The following UMAD1 variants were observed in gnomAD, a reference collection of about 807,000 sequenced individuals.
The protein encoded by UMAD1 is UBAP1-MVB12-associated (UMA) domain containing 1.
Under a neutral mutation model 6.1 loss-of-function variants are expected in UMAD1, and 8 were observed. That is an observed-to-expected ratio of 1.30 (90% CI 0.76 to 2.35). The LOEUF (loss-of-function observed/expected upper bound fraction) is 2.35. Among genes scored for constraint, UMAD1 ranks in the 30% most tolerant of loss-of-function variants. The probability of loss-of-function intolerance (pLI) is 0.00; values close to 1 mark genes in which losing one functional copy is unlikely to be tolerated. For missense variants in UMAD1, 130 were observed against 78.4 expected, an observed-to-expected ratio of 1.66 and a Z score of -2.49; for synonymous variants, 56 against 31.4, an observed-to-expected ratio of 1.78 and a Z score of -2.61.
At chr7:7,767,283 A>G (rs1267397711) in intron 2 of UMAD1, among the ~76,000 whole-genome samples, 2 of 151,548 alleles carry the variant, frequency 1.3e-5, no homozygotes, top group African/African-American at 2.4e-5. Context: ...CTGCCACCAC[A>G]CCCGGCTAAT....
intron 3 of UMAD1, among the ~76,000 whole-genome samples, chr7:7,861,923 G>A (rs1357772497): frequency 6.6e-6 from 1 of 152,168 alleles, no homozygotes; most frequent in Non-Finnish European, 1.5e-5. Context: ...TATATTAAGA[G>A]CAGCAGAACA....
At chr7:7,722,673 G>A (rs1252364010) in intron 2 of UMAD1, among the ~76,000 whole-genome samples, 5 of 152,176 alleles carry the variant, frequency 3.3e-5, no homozygotes, top group East Asian at 1.9e-4. Context: ...TGCCCTCAGT[G>A]AGAGTCTTAC....
intron 3 of UMAD1, among the ~76,000 whole-genome samples, chr7:7,802,203 C>A (rs1782815019): frequency 6.6e-6 from 1 of 152,136 alleles, no homozygotes; most frequent in Admixed American, 6.5e-5. Context: ...CATGGTGAAA[C>A]CCCATCTCTA....
chr7:7,685,337 G>C (rs1741838375), intron 2 of UMAD1, among the ~76,000 whole-genome samples: 1 of 146,044 alleles, frequency 6.8e-6, no homozygotes, highest in African/African-American at 2.5e-5. Context: ...TTGAGACGGA[G>C]TCTTGCTCTG....
At chr7:7,784,794 CTG>C (rs372113507) in intron 2 of UMAD1, among the ~76,000 whole-genome samples, 2,571 of 108,306 alleles carry the variant, frequency 0.024, 98 homozygotes, top group African/African-American at 0.097. Flanking sequence ...CGGAGTCTTG[CTG>C]TGTCGCCCAG....
rs1785165289 is a variant in UMAD1 at position 7,649,174 on chromosome 7, A to AG, written c.-64+8353_-64+8354insG. On this transcript the variant is annotated intron_variant, in intron 1 of 3. Transcript: ENST00000682710. ...ACTCCATCTCAAAAAAAAAAAAAAA[A>AG]AAAAAGAAAAGAAAAGAATAAAAAA... Among the ~76,000 whole-genome samples the AG allele has an allele frequency of 3.5e-5, 5 of 144,078 alleles. 1 individual carries two copies. The highest frequency in any genetic ancestry group is 2.1e-4 in the Admixed American group (3 of 14,124). The allele number at this position is 144,078 out of a possible 152,430, so 94.5% of individuals were successfully genotyped here.
chr7:7,837,771 A>C (rs1289312027), intron 3 of UMAD1, among the ~76,000 whole-genome samples: 1 of 152,170 alleles, frequency 6.6e-6, no homozygotes, highest in Non-Finnish European at 1.5e-5. Context: ...TAAAAAGCAC[A>C]GTTTATTAGA....
intron 2 of UMAD1, among the ~76,000 whole-genome samples, chr7:7,730,285 A>G (rs575491490): frequency 1.3e-5 from 2 of 152,234 alleles, no homozygotes; most frequent in South Asian, 2.1e-4. Context: ...ATTTACTCCT[A>G]GAGATTTTGA....
rs139125010 is a variant in UMAD1, at chr7:7,744,885, A to G, written c.83-56785A>G. On this transcript the variant is annotated intron_variant, in intron 2 of 3. Coordinates refer to ENST00000682710, the MANE Select transcript of UMAD1 (RefSeq NM_001302348.2). ...ATTCTGTAGGTTGTCTTTTCATAAT[A>G]CAGTTGACCCTTACAACATGGGAGT... 9.0e-4 allele frequency among the ~76,000 whole-genome samples: 137 copies of G among 152,218 alleles called. 1 individual carries two copies. Among genetic ancestry groups the G allele is most frequent in the African/African-American group, 3.1e-3 (128 of 41,542 alleles).
chr7:7,780,389 C>G (rs1364327552), intron 2 of UMAD1, among the ~76,000 whole-genome samples: 2 of 152,210 alleles, frequency 1.3e-5, no homozygotes, highest in South Asian at 2.1e-4. Context: ...ATTTACAAAA[C>G]TGGAACTGTA....
At chr7:7,808,210 T>C (rs1302817962) in intron 3 of UMAD1, among the ~76,000 whole-genome samples, 3 of 151,996 alleles carry the variant, frequency 2.0e-5, no homozygotes, top group Non-Finnish European at 4.4e-5. Flanking sequence ...TTCTTCTTTT[T>C]TCCTTCTTGC....
intron 2 of UMAD1, among the ~76,000 whole-genome samples, chr7:7,746,675 A>G (rs1781580014): frequency 1.3e-5 from 2 of 152,272 alleles, no homozygotes; most frequent in African/African-American, 4.8e-5. Flanking sequence ...TAAAAAACAT[A>G]TGAGACAAAT....
chr7:7,876,974 A>C (rs544955843), intron 3 of UMAD1, among the ~76,000 whole-genome samples: 1 of 152,346 alleles, frequency 6.6e-6, no homozygotes, highest in African/African-American at 2.4e-5. Context: ...GAAAACGTAC[A>C]TAGGATTTGG....
intron 1 of UMAD1, among the ~76,000 whole-genome samples, chr7:7,652,634 T>G (rs766858142): frequency 5.3e-5 from 8 of 152,208 alleles, no homozygotes; most frequent in Non-Finnish European, 8.8e-5. Flanking sequence ...ATTGGTTAAT[T>G]CCGTGAATTT....
chr7:7,787,840 C>G (rs1446872158), intron 2 of UMAD1, among the ~76,000 whole-genome samples: 1 of 150,892 alleles, frequency 6.6e-6, no homozygotes, highest in Non-Finnish European at 1.5e-5. Context: ...GTAGATCTCT[C>G]CTTAAGCCTT....
intron 1 of UMAD1, among the ~76,000 whole-genome samples, chr7:7,656,725 A>T (rs1480904566): frequency 6.6e-6 from 1 of 152,134 alleles, no homozygotes; most frequent in Non-Finnish European, 1.5e-5. Flanking sequence ...ATTGATCGGC[A>T]TTTGGTTTGG....
At chr7:7,693,772 A>G (rs542836847) in intron 2 of UMAD1, among the ~76,000 whole-genome samples, 5 of 152,282 alleles carry the variant, frequency 3.3e-5, no homozygotes, top group Admixed American at 3.3e-4. Flanking sequence ...ATTTTGTAAG[A>G]TGTTTATGTG....
At chr7:7,663,929 A>G (rs1474812881) in intron 1 of UMAD1, among the ~76,000 whole-genome samples, 1 of 152,204 alleles carries the variant, frequency 6.6e-6, no homozygotes, top group Non-Finnish European at 1.5e-5. Flanking sequence ...TAGCCAGGAA[A>G]TCTACTGAAT....
chr7:7,696,261 C>T (rs1780313957), intron 2 of UMAD1, among the ~76,000 whole-genome samples: 1 of 151,000 alleles, frequency 6.6e-6, no homozygotes. Flanking sequence ...ATACAAGACT[C>T]ACTCTTTTAG....
Sources: allele counts gnomAD v4.1 joint callset (sites outside exome capture counted in the v4.1 genomes callset), GRCh38; gene constraint gnomAD v4.1.1; transcripts MANE v1.5; gene names NCBI Gene and HGNC (gene_info 2026-07-23, HGNC 2026-07-21).